Variants in PTPRN2 observed in about 807,000 individuals in gnomAD.
The protein encoded by PTPRN2 is protein tyrosine phosphatase receptor type N2, also known as receptor-type tyrosine-protein phosphatase N2.
A neutral mutation model predicts 118.8 loss-of-function variants in PTPRN2; 74 were observed. The observed-to-expected ratio is 0.62, with a 90% CI of 0.52 to 0.76. The LOEUF (loss-of-function observed/expected upper bound fraction) is 0.76, where lower values mean the gene tolerates loss of function less well. PTPRN2 is among the 30% of genes least tolerant of loss of function. PTPRN2 has a pLI of 0.00. For synonymous variants in PTPRN2, 641 were observed against 608.0 expected (o/e 1.05, Z -0.80); for missense variants, 1,481 against 1,394.4 (o/e 1.06, Z -0.99).
At position 157,674,333 on chromosome 7, in the gene PTPRN2, C is replaced by T. The variant is rs560519866; in HGVS notation, c.2001+8392G>A. On this transcript the variant is annotated intron_variant, in intron 13 of 22. Coordinates refer to ENST00000389418, the MANE Select transcript of PTPRN2 (RefSeq NM_002847.5). The surrounding 1 kb of genome is among the most constrained non-coding windows in gnomAD (Gnocchi z 4.5). ...TGGGGGGACTCCTGCTGGAGGCGGC[C>T]GGCAGATCAGCCTTCCTTATCCACG... Among the ~76,000 whole-genome samples, 10 of 152,250 alleles carry T rather than the reference C, an allele frequency of 6.6e-5. No individual in the cohort carries two copies. Among genetic ancestry groups the T allele is most frequent in the East Asian group, 1.9e-4 (1 of 5,158 alleles).
chr7:158,082,391 C>T (rs4909143), intron 10 of PTPRN2, among the ~76,000 whole-genome samples: 93,926 of 152,022 alleles, frequency 0.62, 29,285 homozygotes, highest in East Asian at 0.85. Context: ...TTGATTCAGA[C>T]ATCTCTGCTC....
At chr7:158,138,089 C>A (rs1819003996) in intron 7 of PTPRN2, among the ~76,000 whole-genome samples, 1 of 152,242 alleles carries the variant, frequency 6.6e-6, no homozygotes. Flanking sequence ...ATTTGCCATT[C>A]AACATAATTG....
rs1806704477 is a variant in PTPRN2, at chr7:157,819,939, A to G, written c.1788+78734T>C. ...CACACCTGCACTAGCCCAGGCACTC[A>G]CACATACATGAACACAGCAGACCCA... On this transcript the variant is annotated intron_variant, in intron 12 of 22. Coordinates refer to ENST00000389418, the MANE Select transcript of PTPRN2 (RefSeq NM_002847.5). 3.3e-5 allele frequency among the ~76,000 whole-genome samples: 5 copies of G among 151,550 alleles called. No individual in the cohort carries two copies. The South Asian group carries it at 1.0e-3, about 32-fold the overall frequency.
At chr7:158,191,006 A>G (rs980149333) in intron 5 of PTPRN2, among the ~76,000 whole-genome samples, 1 of 152,264 alleles carries the variant, frequency 6.6e-6, no homozygotes, top group African/African-American at 2.4e-5. Flanking sequence ...CTGCCTGCAC[A>G]GAACGTGCCA....
rs1297397813 is a variant in PTPRN2 at position 157,609,274 on chromosome 7, T to C, written c.2345-5199A>G. ...GGTGGGCGGCTGTAATCCCAGCTACTTGGGAGGCTGAGGCAGGAGAATTGC... is the reference window on the plus strand; with the variant it reads ...GGTGGGCGGCTGTAATCCCAGCTACCTGGGAGGCTGAGGCAGGAGAATTGC... On this transcript the variant is annotated intron_variant, in intron 15 of 22. Coordinates refer to ENST00000389418, the MANE Select transcript of PTPRN2 (RefSeq NM_002847.5). The surrounding 1 kb of genome is among the most constrained non-coding windows in gnomAD (Gnocchi z 4.9). Among the ~76,000 whole-genome samples, 3 of 151,986 alleles carry C rather than the reference T, an allele frequency of 2.0e-5. No individual in the cohort carries two copies. The highest frequency in any genetic ancestry group is 6.6e-5 in the Admixed American group (1 of 15,264).
chr7:158,301,710 A>T (rs1422781502), intron 3 of PTPRN2, among the ~76,000 whole-genome samples: 2 of 152,310 alleles, frequency 1.3e-5, no homozygotes, highest in Middle Eastern at 3.4e-3. Context: ...GAACTTTGGG[A>T]GGCCAAGGCA....
intron 1 of PTPRN2, among the ~76,000 whole-genome samples, chr7:158,564,396 G>C (rs1334886985): frequency 6.6e-6 from 1 of 152,204 alleles, no homozygotes; most frequent in African/African-American, 2.4e-5. Flanking sequence ...ACAGCCAATC[G>C]ACCTGTGAGC....
At chr7:157,846,632 G>A (rs1808822751) in intron 12 of PTPRN2, among the ~76,000 whole-genome samples, 1 of 152,248 alleles carries the variant, frequency 6.6e-6, no homozygotes, top group Admixed American at 6.5e-5. Context: ...TGCTGCAGGT[G>A]TGTCTGATGT....
chr7:157,689,845 C>T (rs1052935204), intron 12 of PTPRN2, among the ~76,000 whole-genome samples: 7 of 151,998 alleles, frequency 4.6e-5, no homozygotes, highest in African/African-American at 1.4e-4. Context: ...CCTCGGTTCC[C>T]TGCAATTCGC....
chr7:157,680,944 C>T (rs1429029679), intron 13 of PTPRN2, among the ~76,000 whole-genome samples: 1 of 152,092 alleles, frequency 6.6e-6, no homozygotes, highest in Non-Finnish European at 1.5e-5. Flanking sequence ...TCAGGAGGAA[C>T]AGCAAAAAGG....
At chr7:158,577,839 A>T (rs1828423258) in intron 1 of PTPRN2, among the ~76,000 whole-genome samples, 1 of 152,238 alleles carries the variant, frequency 6.6e-6, no homozygotes, top group African/African-American at 2.4e-5. Context: ...GGATGGAGTA[A>T]GGGAAAGGGC....
chr7:158,087,736 T>C (rs73748037), intron 10 of PTPRN2, among the ~76,000 whole-genome samples: 8,316 of 22,622 alleles, frequency 0.37, 2,489 homozygotes, highest in Middle Eastern at 0.62. Context: ...CCTTCTTCCC[T>C]TGATGAAAGA....
In PTPRN2 at chr7:158,087,310, C is replaced by T. The variant is rs368439937; in HGVS notation, c.1644-5933G>A. 9.2e-5 allele frequency among the ~76,000 whole-genome samples: 14 copies of T among 152,298 alleles called. No homozygotes were observed. In the South Asian group the frequency reaches 2.1e-3, roughly 23 times the overall value. On this transcript the variant is annotated intron_variant, in intron 10 of 22. Transcript: ENST00000389418. Reference sequence around the variant, plus strand: ...ACAAGGGAGGGGACTGTCTCTTTCCCGACCCTGGACCGTGCAGTGAAGATC... The same window carrying T: ...ACAAGGGAGGGGACTGTCTCTTTCCTGACCCTGGACCGTGCAGTGAAGATC...
intron 12 of PTPRN2, among the ~76,000 whole-genome samples, chr7:157,859,727 T>C (rs1203695875): frequency 6.7e-5 from 2 of 29,704 alleles, no homozygotes; most frequent in East Asian, 9.8e-4. Flanking sequence ...CCACCCACAC[T>C]CCTGTAGGGA....
intron 3 of PTPRN2, among the ~76,000 whole-genome samples, chr7:158,262,363 T>TGC (rs1797478958): frequency 1.2e-5 from 1 of 85,016 alleles, no homozygotes; most frequent in Non-Finnish European, 2.2e-5. Flanking sequence ...ACTGCAAACA[T>TGC]TCACTGCACA....
chr7:157,797,848 C>T (rs367696918), intron 12 of PTPRN2, among the ~76,000 whole-genome samples: 27 of 152,338 alleles, frequency 1.8e-4, no homozygotes, highest in African/African-American at 6.3e-4. Context: ...GAATTCTGAG[C>T]CCATTCCTGA....
intron 1 of PTPRN2, among the ~76,000 whole-genome samples, chr7:158,490,742 C>G (rs993477805): frequency 6.6e-6 from 1 of 152,258 alleles, no homozygotes; most frequent in African/African-American, 2.4e-5. Flanking sequence ...TGCTGCTTCA[C>G]CAGCCGACAA....
At chr7:158,446,217 T>C (rs73729617) in intron 2 of PTPRN2, among the ~76,000 whole-genome samples, 2,531 of 152,334 alleles carry the variant, frequency 0.017, 80 homozygotes, top group African/African-American at 0.058. Flanking sequence ...GGACTGTTTA[T>C]GGGGTGGGTG....
At chr7:157,613,391 AGGCGGGTCCG>A (rs2150607462) in intron 15 of PTPRN2, among the ~76,000 whole-genome samples, 1 of 152,278 alleles carries the variant, frequency 6.6e-6, no homozygotes, top group South Asian at 2.1e-4. Context: ...ACACGGGCGG[AGGCGGGTCCG>A]GGCGGGCCCC....
Sources: allele counts gnomAD v4.1 joint callset (sites outside exome capture counted in the v4.1 genomes callset), GRCh38; gene constraint gnomAD v4.1.1; non-coding constraint Gnocchi (gnomAD v3.1); transcripts MANE v1.5; gene names NCBI Gene and HGNC (gene_info 2026-07-23, HGNC 2026-07-21).